ABLIM1: variants seen among roughly 807,000 people sequenced by gnomAD.
The protein encoded by ABLIM1 is actin-binding LIM protein 1.
Under a neutral mutation model 107.0 loss-of-function variants are expected in ABLIM1, and 40 were observed. The ratio of observed to expected loss-of-function variants is 0.37; its 90% CI spans 0.29 to 0.49. ABLIM1 has a LOEUF of 0.49. Ranked by LOEUF, ABLIM1 falls within the 20% of genes least tolerant of loss-of-function variation. ABLIM1 has a pLI of 0.97. For missense variants in ABLIM1, 857 were observed against 1,008.5 expected (o/e 0.85, Z 2.04); for synonymous variants, 357 against 357.3 (o/e 1.00, Z 0.01).
Position 114,485,643 on chromosome 10 carries a change from T to G in ABLIM1, c.1041+2315A>C, listed in dbSNP as rs556904115. ...CTCTCCATTTATTTTGGCTTAGACA[T>G]TCTTACAATATATAAAGGGTAAGAA... is the stretch of plus-strand genomic sequence containing the variant. On this transcript the variant is annotated intron_variant, in intron 8 of 22. Transcript: ENST00000533213. 6.6e-5 allele frequency among the ~76,000 whole-genome samples: 10 copies of G among 152,324 alleles called. No homozygotes were observed. In the South Asian group the frequency reaches 2.1e-3, roughly 32 times the overall value.
chr10:114,753,933 C>T (rs962888833), intron 1 of ABLIM1, among the ~76,000 whole-genome samples: 37 of 152,196 alleles, frequency 2.4e-4, no homozygotes, highest in Admixed American at 1.6e-3. Flanking sequence ...CTCACTGCAA[C>T]CTCCACCTCC....
chr10:114,603,629 T>C (rs2076194767), intron 1 of ABLIM1, among the ~76,000 whole-genome samples: 1 of 149,570 alleles, frequency 6.7e-6, no homozygotes, highest in African/African-American at 2.5e-5. Flanking sequence ...AACCTATCCC[T>C]TGCACATTAA....
chr10:114,608,738 G>T (rs1161496241), intron 1 of ABLIM1, among the ~76,000 whole-genome samples: 1 of 152,026 alleles, frequency 6.6e-6, no homozygotes, highest in East Asian at 1.9e-4. Flanking sequence ...ACAAAGGCTG[G>T]GCACGGTGGC....
chr10:114,615,588 T>G (rs1371022768), intron 1 of ABLIM1: 1 of 470,120 alleles, frequency 2.1e-6, no homozygotes, highest in African/African-American at 2.0e-5. Context: ...CACCATTGTA[T>G]GCACAAAGCC....
chr10:114,626,889 A>G (rs2077844732), intron 1 of ABLIM1, among the ~76,000 whole-genome samples: 2 of 152,198 alleles, frequency 1.3e-5, no homozygotes, highest in African/African-American at 2.4e-5. Context: ...CCCTGTGAAC[A>G]TGAAGGCAGT....
At chr10:114,488,159 C>G in intron 7 of ABLIM1, 143 bp from the exon 8 acceptor site, 1 of 886,842 alleles carries the variant, frequency 1.1e-6, no homozygotes, top group Non-Finnish European at 1.8e-6. Flanking sequence ...TGAATCATAA[C>G]ACAAAAATCA....
chr10:114,693,671 C>T (rs1230666898), intron 1 of ABLIM1, among the ~76,000 whole-genome samples: 2 of 150,238 alleles, frequency 1.3e-5, no homozygotes, highest in Non-Finnish European at 3.0e-5. Flanking sequence ...CTTTCAGAAA[C>T]AGGGTCTTGC....
rs576369934 is a variant in ABLIM1, at chr10:114,516,748, A to G, written c.895-24870T>C. On this transcript the variant is annotated intron_variant, in intron 6 of 22. Coordinates refer to ENST00000533213, the MANE Select transcript of ABLIM1 (RefSeq NM_002313.7). ...GTCAACCTTGGAAACTCTTTGAAAC[A>G]ATAATTAATGCCAGTTAATCACAGG... 1.4e-4 allele frequency among the ~76,000 whole-genome samples: 22 copies of G among 152,376 alleles called. No individual in the cohort carries two copies. In the East Asian group the frequency reaches 3.7e-3, roughly 25 times the overall value.
chr10:114,788,790 C>G, the ABLIM1 span, among the ~76,000 whole-genome samples: 1 of 151,394 alleles, frequency 6.6e-6, no homozygotes, highest in Non-Finnish European at 1.5e-5. Flanking sequence ...AGATAAAATA[C>G]AGGAGGCTCA....
At chr10:114,452,251 A>G (rs7895649) in intron 13 of ABLIM1, among the ~76,000 whole-genome samples, 4,189 of 152,316 alleles carry the variant, frequency 0.028, 194 homozygotes, top group African/African-American at 0.097. Context: ...AGAATGAATG[A>G]AAAAGAAAAG....
chr10:114,438,529 T>C (rs112305309), intron 21 of ABLIM1, among the ~76,000 whole-genome samples: 41 of 152,324 alleles, frequency 2.7e-4, no homozygotes, highest in African/African-American at 9.4e-4. Context: ...CCAAAGTGCT[T>C]GGATTACAGG....
intron 1 of ABLIM1, among the ~76,000 whole-genome samples, chr10:114,706,812 C>A (rs182010141): frequency 1.3e-5 from 2 of 152,006 alleles, no homozygotes; most frequent in Non-Finnish European, 2.9e-5. Flanking sequence ...ATAATGAGAA[C>A]GGCCTGCTAC....
chr10:114,683,458 T>C (rs1055531492), intron 1 of ABLIM1, among the ~76,000 whole-genome samples: 9 of 152,150 alleles, frequency 5.9e-5, no homozygotes, highest in Admixed American at 5.2e-4. Flanking sequence ...CCTTTGTACC[T>C]CGTAACAAGT....
intron 4 of ABLIM1, among the ~76,000 whole-genome samples, chr10:114,558,913 C>CTGTGTGTGTGTG (rs377741805): frequency 6.7e-6 from 1 of 149,014 alleles, no homozygotes; most frequent in African/African-American, 2.5e-5. Flanking sequence ...GTGTGTGTGT[C>CTGTGTGTGTGTG]TGTGTGTGTG....
chr10:114,788,502 C>T, the ABLIM1 span, among the ~76,000 whole-genome samples: 8 of 150,462 alleles, frequency 5.3e-5, no homozygotes, highest in African/African-American at 1.7e-4. Flanking sequence ...CTGAGGGGGA[C>T]GGATCACCTG....
rs1203292308 is a variant in ABLIM1, at chr10:114,575,600, C to G, written c.380-1G>C. Reference sequence around the variant, plus strand: ...CCTTGTGCCAGGTCACAGCCACACACTGTAGAGAGACAAGTTCACATCTGG... The same window carrying G: ...CCTTGTGCCAGGTCACAGCCACACAGTGTAGAGAGACAAGTTCACATCTGG... On this transcript the variant is annotated splice_acceptor_variant, in intron 2 of 22. Transcript: ENST00000533213. LOFTEE classifies it high-confidence loss of function. 1 of 1,612,460 alleles carries G rather than the reference C, an allele frequency of 6.2e-7. No individual in the cohort carries two copies. The highest frequency in any genetic ancestry group is 1.1e-5 in the South Asian group (1 of 90,832).
At position 114,674,292 on chromosome 10, in the gene ABLIM1, A is replaced by C. The variant is rs1235613030; in HGVS notation, c.64+9998T>G. Reference sequence around the variant, plus strand: ...GCCACAGAGCGAGACTCTGTCACAAAAAAAAAAAAAAAAAATTAATTAATT... The same window carrying C: ...GCCACAGAGCGAGACTCTGTCACAACAAAAAAAAAAAAAAATTAATTAATT... On this transcript the variant is annotated intron_variant, in intron 1 of 23. Transcript: ENST00000369256. Among the ~76,000 whole-genome samples, 4 of 150,356 alleles carry C rather than the reference A, an allele frequency of 2.7e-5. No individual in the cohort carries two copies. The East Asian group carries it at 7.9e-4, about 30-fold the overall frequency.
intron 1 of ABLIM1, among the ~76,000 whole-genome samples, chr10:114,710,344 C>T (rs1287619567): frequency 6.6e-6 from 1 of 152,156 alleles, no homozygotes; most frequent in African/African-American, 2.4e-5. Context: ...TTCGATAGGG[C>T]TAGGGAAGCC....
chr10:114,467,813 C>T lies in ABLIM1; in HGVS notation c.1311+368G>A, dbSNP rs150389376. Among the ~76,000 whole-genome samples, 919 of 152,186 alleles carry T rather than the reference C, an allele frequency of 6.0e-3. 6 individuals are homozygous for T. The highest frequency in any genetic ancestry group is 0.02 in the African/African-American group (838 of 41,496). On this transcript the variant is annotated intron_variant, in intron 11 of 22. Coordinates refer to ENST00000533213, the MANE Select transcript of ABLIM1 (RefSeq NM_002313.7). The stretch of plus-strand genomic sequence containing the variant: ...TCAAGATGGCTCTGCTTATAGAATA[C>T]GCCATGATGGCTGTTGGCCATTTCA...
Sources: gnomAD v4.1 joint callset for allele counts (sites outside exome capture counted in the v4.1 genomes callset) on GRCh38, gnomAD v4.1.1 for gene constraint, MANE v1.5 for transcripts, NCBI Gene and HGNC (gene_info 2026-07-23, HGNC 2026-07-21) for gene names.